Variants in DOCK3 observed in about 807,000 individuals in gnomAD.
The protein encoded by DOCK3 is dedicator of cytokinesis 3, also known as dedicator of cytokinesis protein 3.
In DOCK3, 60 loss-of-function variants were observed where a neutral mutation model predicts 265.6. That is an observed-to-expected ratio of 0.23 (90% confidence interval 0.18 to 0.28). The LOEUF is 0.28. Ranked by LOEUF, DOCK3 falls within the 10% of genes least tolerant of loss-of-function variation. The probability of loss-of-function intolerance (pLI) is 1.00; values close to 1 mark genes in which losing one functional copy is unlikely to be tolerated. For synonymous variants in DOCK3, 881 were observed against 938.0 expected, an observed-to-expected ratio of 0.94 and a Z score of 1.11; for missense variants, 1,981 against 2,594.3, an observed-to-expected ratio of 0.76 and a Z score of 5.14.
intron 5 of DOCK3, among the ~76,000 whole-genome samples, chr3:50,968,229 CAGTAA>C (rs1409135939): frequency 2.0e-5 from 3 of 151,934 alleles, no homozygotes; most frequent in East Asian, 3.9e-4. Flanking sequence ...TGCAGTGGCA[CAGTAA>C]TAGCTCACTG....
chr3:51,140,134 ATTCAAAGGGTACAG>A (rs1355687426), intron 9 of DOCK3, among the ~76,000 whole-genome samples: 4 of 152,348 alleles, frequency 2.6e-5, no homozygotes, highest in Admixed American at 2.0e-4. Context: ...GAGTTTACCC[ATTCAAAGGGTACAG>A]TTCAGTGGCT....
At chr3:51,053,125 A>G (rs2081070538) in intron 5 of DOCK3, among the ~76,000 whole-genome samples, 1 of 117,356 alleles carries the variant, frequency 8.5e-6, no homozygotes, top group Non-Finnish European at 1.8e-5. Context: ...ATATATATGG[A>G]TTTTAAGTTA....
At chr3:51,035,321 T>A (rs2080224438) in intron 5 of DOCK3, among the ~76,000 whole-genome samples, 1 of 152,172 alleles carries the variant, frequency 6.6e-6, no homozygotes, top group South Asian at 2.1e-4. Flanking sequence ...TCTGTTGATC[T>A]TTCAAGTTCA....
At chr3:51,017,923 T>C (rs2079419931) in intron 5 of DOCK3, among the ~76,000 whole-genome samples, 2 of 151,828 alleles carry the variant, frequency 1.3e-5, no homozygotes, top group South Asian at 4.1e-4. Context: ...GACAGAGTTT[T>C]ACTCTGTTGC....
intron 1 of DOCK3, among the ~76,000 whole-genome samples, chr3:50,736,353 A>G (rs886320324): frequency 5.9e-5 from 9 of 152,196 alleles, no homozygotes; most frequent in South Asian, 2.1e-4. Flanking sequence ...TAGTGCCACA[A>G]TAAACATATG....
chr3:51,145,298 A>G (rs1481846454), intron 9 of DOCK3, among the ~76,000 whole-genome samples: 3 of 152,088 alleles, frequency 2.0e-5, no homozygotes, highest in Admixed American at 6.6e-5. Flanking sequence ...TTACATATGT[A>G]TACATGTGCC....
At chr3:51,288,903 G>GGGGGGT (rs2081571610) in intron 27 of DOCK3, among the ~76,000 whole-genome samples, 2 of 144,176 alleles carry the variant, frequency 1.4e-5, no homozygotes, top group Admixed American at 7.0e-5. Flanking sequence ...TGTGTGTGTG[G>GGGGGGT]GTGTGTGTGT....
chr3:51,338,287 G>C, intron 35 of DOCK3, 72 bp from the exon 36 acceptor site: 3 of 1,513,120 alleles, frequency 2.0e-6, no homozygotes, highest in Non-Finnish European at 2.7e-6. Flanking sequence ...ATGCCCCAGT[G>C]ATAGTACAGT....
At chr3:50,849,786 T>A (rs1262589471) in intron 3 of DOCK3, among the ~76,000 whole-genome samples, 1 of 152,100 alleles carries the variant, frequency 6.6e-6, no homozygotes, top group Non-Finnish European at 1.5e-5. Flanking sequence ...AGGATACAAT[T>A]AAAAGCATAC....
chr3:50,993,150 A>C (rs888449732), intron 5 of DOCK3, among the ~76,000 whole-genome samples: 1 of 152,146 alleles, frequency 6.6e-6, no homozygotes, highest in Non-Finnish European at 1.5e-5. Flanking sequence ...TTGAGGCCCT[A>C]AGTTGAATAT....
intron 2 of DOCK3, among the ~76,000 whole-genome samples, chr3:50,840,857 G>C (rs2045787956): frequency 6.6e-6 from 1 of 152,088 alleles, no homozygotes; most frequent in Admixed American, 6.5e-5. Context: ...TGTTTGTTAT[G>C]TTTTCAGGTG....
At chr3:50,804,611 C>T (rs1181216698) in intron 2 of DOCK3, among the ~76,000 whole-genome samples, 5 of 152,146 alleles carry the variant, frequency 3.3e-5, no homozygotes, top group East Asian at 1.9e-4. Flanking sequence ...TGGCGGCTGG[C>T]GCCTGCAATC....
intron 5 of DOCK3, among the ~76,000 whole-genome samples, chr3:51,010,017 T>G (rs2078877357): frequency 6.6e-6 from 1 of 152,246 alleles, no homozygotes; most frequent in African/African-American, 2.4e-5. Context: ...TTACATTTGC[T>G]GAGGAGTGCT....
At chr3:50,820,417 A>G (rs994278311) in intron 2 of DOCK3, among the ~76,000 whole-genome samples, 14 of 152,210 alleles carry the variant, frequency 9.2e-5, no homozygotes, top group African/African-American at 3.1e-4. Flanking sequence ...AAGTGAGAAC[A>G]TGTGTATTTA....
chr3:51,222,317 C>T (rs897005665), intron 14 of DOCK3, among the ~76,000 whole-genome samples: 9 of 152,152 alleles, frequency 5.9e-5, no homozygotes, highest in African/African-American at 9.7e-5. Context: ...TTTGTGAACA[C>T]GTAACATGCA....
chr3:51,121,245 G>A (rs1405713381), intron 9 of DOCK3, among the ~76,000 whole-genome samples: 1 of 152,098 alleles, frequency 6.6e-6, no homozygotes, highest in African/African-American at 2.4e-5. Context: ...GCTAGGGAAG[G>A]GAGTTCCCCA....
At chr3:51,196,509 G>T (rs1028519691) in intron 12 of DOCK3, among the ~76,000 whole-genome samples, 1 of 152,072 alleles carries the variant, frequency 6.6e-6, no homozygotes, top group African/African-American at 2.4e-5. Flanking sequence ...TCCTGTCTTT[G>T]TCTCTTTGAA....
intron 12 of DOCK3, among the ~76,000 whole-genome samples, chr3:51,183,260 T>C (rs937166708): frequency 6.6e-6 from 1 of 152,248 alleles, no homozygotes; most frequent in African/African-American, 2.4e-5. Context: ...ATTTACTTAT[T>C]CATGGTTGAT....
intron 12 of DOCK3, among the ~76,000 whole-genome samples, chr3:51,207,240 G>A (rs1447684448): frequency 6.6e-6 from 1 of 152,162 alleles, no homozygotes; most frequent in East Asian, 1.9e-4. Context: ...TATGTGTTGG[G>A]TGGAGGGGTA....
Sources: gnomAD v4.1 joint callset for allele counts (sites outside exome capture counted in the v4.1 genomes callset) on GRCh38, gnomAD v4.1.1 for gene constraint, MANE v1.5 for transcripts, NCBI Gene and HGNC (gene_info 2026-07-23, HGNC 2026-07-21) for gene names.